Variants in CABLES1 observed in about 807,000 individuals in gnomAD.
The protein encoded by CABLES1 is CDK5 and ABL1 enzyme substrate 1.
CABLES1 carries 36 observed loss-of-function variants against 57.8 expected under a neutral mutation model. The observed-to-expected ratio is 0.62, with a 90% CI of 0.48 to 0.82. The LOEUF (loss-of-function observed/expected upper bound fraction) is 0.82. CABLES1 is among the 40% of genes least tolerant of loss of function. The pLI is 0.00. For missense variants in CABLES1, 767 were observed against 836.6 expected (o/e 0.92, Z 1.03); for synonymous variants, 374 against 363.0 (o/e 1.03, Z -0.35).
chr18:23,197,234 A>G (rs1344397712), intron 3 of CABLES1: 1 of 152,262 alleles, frequency 6.6e-6, no homozygotes, highest in Non-Finnish European at 1.5e-5. Context: ...CGTGATCAAT[A>G]TCAGAGTAGC....
chr18:23,238,045 C>T (rs1391233867), intron 7 of CABLES1, among the ~76,000 whole-genome samples: 1 of 152,264 alleles, frequency 6.6e-6, no homozygotes, highest in Non-Finnish European at 1.5e-5. Context: ...TTTTGCATGT[C>T]CTGGCCCATG....
chr18:23,239,872 C>T (rs754031282), intron 7 of CABLES1, among the ~76,000 whole-genome samples: 3 of 152,174 alleles, frequency 2.0e-5, no homozygotes, highest in Non-Finnish European at 4.4e-5. Context: ...AATCCCAGAA[C>T]TTTGGGAGGC....
intron 1 of CABLES1, among the ~76,000 whole-genome samples, chr18:23,169,955 G>A (rs2047070860): frequency 6.6e-6 from 1 of 152,200 alleles, no homozygotes; most frequent in Non-Finnish European, 1.5e-5. Context: ...ATGCTTGCCT[G>A]GACTTGGTGG....
intron 7 of CABLES1, among the ~76,000 whole-genome samples, chr18:23,241,669 C>G (rs1468646905): frequency 6.6e-6 from 1 of 152,170 alleles, no homozygotes; most frequent in Non-Finnish European, 1.5e-5. Context: ...TTTTTAATTT[C>G]TCTTGGGGTA....
intron 1 of CABLES1, 63 bp from the exon 2 acceptor site, chr18:23,188,775 A>G: frequency 1.7e-6 from 2 of 1,174,404 alleles, no homozygotes; most frequent in Admixed American, 3.4e-5. Context: ...TTAGATTTGC[A>G]CAAATGTCTG....
intron 4 of CABLES1, among the ~76,000 whole-genome samples, chr18:23,222,383 A>G (rs1306111970): frequency 1.3e-5 from 2 of 151,770 alleles, no homozygotes; most frequent in Admixed American, 1.3e-4. Context: ...TGTGGATTGC[A>G]TCTTAATCCT....
chr18:23,196,328 GGC>G (rs1491355182), intron 3 of CABLES1, among the ~76,000 whole-genome samples: 2 of 152,140 alleles, frequency 1.3e-5, no homozygotes, highest in Non-Finnish European at 2.9e-5. Context: ...CTGAGGCCAC[GGC>G]GGGTCGTATG....
intron 3 of CABLES1, among the ~76,000 whole-genome samples, chr18:23,201,511 T>C (rs1230268110): frequency 6.6e-6 from 1 of 152,206 alleles, no homozygotes; most frequent in Non-Finnish European, 1.5e-5. Context: ...TCAAATGTCA[T>C]ATGACTCCAT....
At chr18:23,245,988 C>A (rs113991977) in intron 7 of CABLES1, among the ~76,000 whole-genome samples, 5,599 of 152,318 alleles carry the variant, frequency 0.037, 143 homozygotes, top group Non-Finnish European at 0.054. Context: ...GTGGTCCCGG[C>A]CGGGCACGGT....
intron 3 of CABLES1, among the ~76,000 whole-genome samples, chr18:23,213,412 G>A (rs775527903): frequency 3.3e-5 from 5 of 152,000 alleles, no homozygotes; most frequent in Non-Finnish European, 5.9e-5. Flanking sequence ...CCATCATGTA[G>A]AGCTGTTTCC....
At chr18:23,166,821 G>A (rs995960271) in intron 1 of CABLES1, among the ~76,000 whole-genome samples, 2 of 152,206 alleles carry the variant, frequency 1.3e-5, no homozygotes, top group Non-Finnish European at 2.9e-5. Flanking sequence ...ACCCCATTCA[G>A]CAGGTGGCCA....
In CABLES1 at chr18:23,148,300, C is replaced by T. The variant is rs1732439520; in HGVS notation, c.845+11693C>T. Among the ~76,000 whole-genome samples, 3 of 152,118 alleles carry T rather than the reference C, an allele frequency of 2.0e-5. No homozygotes were observed. The South Asian group carries it at 6.2e-4, about 32-fold the overall frequency. ...CACCACGTCTGGCCCGCTTGGCCCC[C>T]ATTTCTAAGCAGGATACCCTCTCCC... On this transcript the variant is annotated intron_variant, in intron 1 of 9. Transcript: ENST00000256925.
At chr18:23,194,103 C>T (rs975124077) in intron 2 of CABLES1, among the ~76,000 whole-genome samples, 114 of 152,162 alleles carry the variant, frequency 7.5e-4, no homozygotes, top group African/African-American at 2.6e-3. Flanking sequence ...CCTTCCCCTT[C>T]GTTGATACAG....
chr18:23,217,764 C>T (rs1308356310), intron 4 of CABLES1, among the ~76,000 whole-genome samples: 1 of 152,262 alleles, frequency 6.6e-6, no homozygotes, highest in African/African-American at 2.4e-5. Context: ...TACATATTAA[C>T]TAATGCCTTT....
intron 1 of CABLES1, among the ~76,000 whole-genome samples, chr18:23,143,529 G>A (rs555038697): frequency 6.6e-6 from 1 of 152,342 alleles, no homozygotes; most frequent in South Asian, 2.1e-4. Flanking sequence ...CCCTCTGGCT[G>A]TTTATAAATA....
At chr18:23,200,313 G>A (rs2047314480) in intron 3 of CABLES1, among the ~76,000 whole-genome samples, 1 of 151,912 alleles carries the variant, frequency 6.6e-6, no homozygotes, top group African/African-American at 2.4e-5. Flanking sequence ...AGGCTGCAGT[G>A]CAGTGGTGTG....
At chr18:23,211,364 C>T (rs775111607) in intron 3 of CABLES1, among the ~76,000 whole-genome samples, 1 of 152,142 alleles carries the variant, frequency 6.6e-6, no homozygotes, top group Non-Finnish European at 1.5e-5. Flanking sequence ...TTGCTCCTGG[C>T]CTTTGTCCTG....
chr18:23,148,862 G>C (rs2046909698), intron 1 of CABLES1, among the ~76,000 whole-genome samples: 1 of 152,184 alleles, frequency 6.6e-6, no homozygotes, highest in Non-Finnish European at 1.5e-5. Flanking sequence ...CAAAAGTGGT[G>C]ACAGGTTGAA....
intron 4 of CABLES1, among the ~76,000 whole-genome samples, chr18:23,226,100 C>T (rs540307595): frequency 8.5e-5 from 13 of 152,296 alleles, no homozygotes; most frequent in Non-Finnish European, 1.8e-4. Flanking sequence ...ATAATACAAA[C>T]TTGACCTTTA....
Sources: allele counts gnomAD v4.1 joint callset (sites outside exome capture counted in the v4.1 genomes callset), GRCh38; gene constraint gnomAD v4.1.1; transcripts MANE v1.5; gene names NCBI Gene and HGNC (gene_info 2026-07-23, HGNC 2026-07-21).